DOCK3: variants seen among roughly 807,000 people sequenced by gnomAD.
The protein encoded by DOCK3 is dedicator of cytokinesis 3.
Under a neutral mutation model 265.6 loss-of-function variants are expected in DOCK3, and 60 were observed. That is an observed-to-expected ratio of 0.23 (90% CI 0.18 to 0.28). DOCK3 has a LOEUF of 0.28. Among genes scored for constraint, DOCK3 ranks in the 10% least tolerant of loss-of-function variants. The probability of loss-of-function intolerance (pLI) is 1.00; values close to 1 mark genes in which losing one functional copy is unlikely to be tolerated. For synonymous variants in DOCK3, 881 were observed against 938.0 expected (o/e 0.94, Z 1.11); for missense variants, 1,981 against 2,594.3 (o/e 0.76, Z 5.14).
At chr3:51,199,677 A>G (rs1295928361) in intron 12 of DOCK3, among the ~76,000 whole-genome samples, 4 of 152,206 alleles carry the variant, frequency 2.6e-5, no homozygotes, top group African/African-American at 9.6e-5. Flanking sequence ...GACAGCTTTG[A>G]AGAGAGCAGT....
intron 5 of DOCK3, among the ~76,000 whole-genome samples, chr3:51,056,735 A>G (rs2081215396): frequency 6.6e-6 from 1 of 152,204 alleles, no homozygotes; most frequent in Non-Finnish European, 1.5e-5. Context: ...GGAGTTTTGA[A>G]TAAACTCAAG....
rs1286044872 is a variant in DOCK3, at chr3:51,184,032, C to T, written c.1037+23330C>T. Among the ~76,000 whole-genome samples, 7 of 151,940 alleles carry T rather than the reference C, an allele frequency of 4.6e-5. No individual in the cohort carries two copies. The East Asian group carries it at 7.7e-4, about 17-fold the overall frequency. On this transcript the variant is annotated intron_variant, in intron 12 of 52. Coordinates refer to ENST00000266037, the MANE Select transcript of DOCK3 (RefSeq NM_004947.5). ...TTCAAACAAACAAAAAAATACAGGC[C>T]GGGGTGGTGTCTCATGCCTGTAATT...
At chr3:50,977,528 G>T (rs2077501332) in intron 5 of DOCK3, among the ~76,000 whole-genome samples, 3 of 152,000 alleles carry the variant, frequency 2.0e-5, no homozygotes, top group African/African-American at 7.3e-5. Context: ...TAGTCTGATG[G>T]GCTTCCCTTT....
At chr3:51,249,413 G>A (rs1294096282) in intron 22 of DOCK3, among the ~76,000 whole-genome samples, 11 of 134,850 alleles carry the variant, frequency 8.2e-5, no homozygotes, top group South Asian at 7.2e-4. Flanking sequence ...CGCCCCGTCC[G>A]GGAGGTGAGG....
intron 4 of DOCK3, among the ~76,000 whole-genome samples, chr3:50,920,285 A>G (rs958838596): frequency 1.3e-5 from 2 of 152,074 alleles, no homozygotes; most frequent in Non-Finnish European, 2.9e-5. Context: ...AGAGGATTCC[A>G]TCTTTTTCTG....
chr3:51,114,442 G>C (rs759023246), intron 9 of DOCK3, among the ~76,000 whole-genome samples: 3 of 152,206 alleles, frequency 2.0e-5, no homozygotes, highest in Non-Finnish European at 4.4e-5. Flanking sequence ...ATGACACAAT[G>C]ATAGGATTGG....
At chr3:51,271,890 A>G (rs1177306118) in intron 24 of DOCK3, among the ~76,000 whole-genome samples, 1 of 149,442 alleles carries the variant, frequency 6.7e-6, no homozygotes, top group East Asian at 2.0e-4. Flanking sequence ...AGGGGCCCTG[A>G]GGACCCTGTG....
intron 43 of DOCK3, 78 bp from the exon 44 acceptor site, chr3:51,356,884 C>T (rs2086401197): frequency 6.8e-7 from 1 of 1,471,786 alleles, no homozygotes; most frequent in African/African-American, 1.4e-5. Flanking sequence ...TACCACAGAT[C>T]TTAGACCCCA....
At chr3:51,310,134 C>T in intron 27 of DOCK3, 98 bp from the exon 28 acceptor site, 1 of 882,422 alleles carries the variant, frequency 1.1e-6, no homozygotes, top group Non-Finnish European at 1.8e-6. Context: ...CTCACTGGTC[C>T]CACCCATTGT....
chr3:51,355,943 C>T lies in DOCK3; in HGVS notation c.4250-146C>T, dbSNP rs1480366. On this transcript the variant is annotated intron_variant, in intron 41 of 52. Transcript: ENST00000266037. ...CTAACTGAGCTTGGGTCTGATCTGC[C>T]CCTAGAGATGCCACTGCCTCCCCTA... The T allele has an allele frequency of 5.6e-3, 5,129 of 919,676 alleles. 184 individuals carry two copies. In the African/African-American group the frequency reaches 0.074, roughly 13 times the overall value. The allele number at this position is 919,676 out of a possible 1,614,324, so 57.0% of individuals were successfully genotyped here. A position where few individuals can be genotyped will look rare whatever the true frequency, so the allele number is the denominator to read the frequency against.
intron 27 of DOCK3, among the ~76,000 whole-genome samples, chr3:51,304,966 A>G (rs971698348): frequency 1.3e-5 from 2 of 152,200 alleles, no homozygotes; most frequent in African/African-American, 4.8e-5. Flanking sequence ...ATGGCCTAAC[A>G]TATGATCTGT....
chr3:51,048,594 T>G (rs2109092281), intron 5 of DOCK3, among the ~76,000 whole-genome samples: 1 of 152,318 alleles, frequency 6.6e-6, no homozygotes, highest in Middle Eastern at 3.4e-3. Context: ...CGAAGTTTGT[T>G]TACATCAAAC....
At chr3:51,042,955 A>G (rs752117035) in intron 5 of DOCK3, among the ~76,000 whole-genome samples, 1 of 152,230 alleles carries the variant, frequency 6.6e-6, no homozygotes, top group Non-Finnish European at 1.5e-5. Flanking sequence ...TGACGCAAAC[A>G]AATTTTAAAA....
chr3:50,962,389 T>C (rs1486177685), intron 5 of DOCK3, among the ~76,000 whole-genome samples: 1 of 152,234 alleles, frequency 6.6e-6, no homozygotes, highest in African/African-American at 2.4e-5. Flanking sequence ...AGTAATGCTT[T>C]TGACATTTTA....
chr3:51,278,192 C>T (rs2080917450), intron 26 of DOCK3: 1 of 985,272 alleles, frequency 1.0e-6, no homozygotes, highest in Non-Finnish European at 1.2e-6. Context: ...TGCTTTTGTC[C>T]ATTATGTTTG....
chr3:51,018,882 A>G (rs1290899594), intron 5 of DOCK3, among the ~76,000 whole-genome samples: 1 of 151,844 alleles, frequency 6.6e-6, no homozygotes, highest in Non-Finnish European at 1.5e-5. Context: ...ATTTGTAGAC[A>G]TGTTTAATTA....
intron 2 of DOCK3, among the ~76,000 whole-genome samples, chr3:50,836,501 C>G (rs972386462): frequency 6.6e-6 from 1 of 152,182 alleles, no homozygotes; most frequent in Non-Finnish European, 1.5e-5. Context: ...ATACCTTTAG[C>G]CATGGCTGGA....
At chr3:50,736,681 TG>T (rs1483820001) in intron 1 of DOCK3, among the ~76,000 whole-genome samples, 6 of 151,004 alleles carry the variant, frequency 4.0e-5, no homozygotes, top group African/African-American at 1.2e-4. Flanking sequence ...ATGTGTCTGT[TG>T]GCTGCATAAA....
intron 6 of DOCK3, among the ~76,000 whole-genome samples, chr3:51,068,640 A>C (rs1424494360): frequency 6.6e-6 from 1 of 151,812 alleles, no homozygotes; most frequent in African/African-American, 2.4e-5. Flanking sequence ...GCTCAAAGGC[A>C]CTTTTCCCAG....
Sources: allele counts gnomAD v4.1 joint callset (sites outside exome capture counted in the v4.1 genomes callset), GRCh38; gene constraint gnomAD v4.1.1; transcripts MANE v1.5; gene names NCBI Gene and HGNC (gene_info 2026-07-23, HGNC 2026-07-21).